BAZ1A: variants seen among roughly 807,000 people sequenced by gnomAD.
BAZ1A encodes bromodomain adjacent to zinc finger domain 1A, also known as bromodomain adjacent to zinc finger domain protein 1A.
BAZ1A carries 50 observed loss-of-function variants against 185.2 expected under a neutral mutation model. The ratio of observed to expected loss-of-function variants is 0.27; its 90% CI spans 0.22 to 0.34. The LOEUF is 0.34. Among genes scored for constraint, BAZ1A ranks in the 10% least tolerant of loss-of-function variants. The pLI is 1.00. For missense variants in BAZ1A, 1,356 were observed against 1,839.9 expected, an observed-to-expected ratio of 0.74 and a Z score of 4.81; for synonymous variants, 571 against 615.6, an observed-to-expected ratio of 0.93 and a Z score of 1.07.
chr14:34,764,248 G>C (rs1878648918), intron 23 of BAZ1A, among the ~76,000 whole-genome samples: 1 of 151,470 alleles, frequency 6.6e-6, no homozygotes, highest in Non-Finnish European at 1.5e-5. Flanking sequence ...AAAAAGCAAG[G>C]GTAACTTCAG....
At chr14:34,825,296 A>G (rs1191822960) in intron 4 of BAZ1A, among the ~76,000 whole-genome samples, 1 of 151,954 alleles carries the variant, frequency 6.6e-6, no homozygotes, top group African/African-American at 2.4e-5. Flanking sequence ...ACTACTAAAA[A>G]TACAAAATTA....
At chr14:34,779,713 T>G (rs568234569) in intron 17 of BAZ1A, among the ~76,000 whole-genome samples, 29 of 152,344 alleles carry the variant, frequency 1.9e-4, no homozygotes, top group Admixed American at 1.0e-3. Context: ...GAAATAATTT[T>G]AAGGCAGGAG....
intron 2 of BAZ1A, among the ~76,000 whole-genome samples, chr14:34,869,556 C>T (rs1403092030): frequency 1.3e-5 from 2 of 152,162 alleles, no homozygotes; most frequent in African/African-American, 2.4e-5. Context: ...TAGTATGGGG[C>T]AAACAACAAG....
intron 3 of BAZ1A, among the ~76,000 whole-genome samples, chr14:34,850,118 G>T (rs1199768185): frequency 6.6e-6 from 1 of 151,900 alleles, no homozygotes; most frequent in African/African-American, 2.4e-5. Flanking sequence ...AGTGGCTCAC[G>T]CCTGTAATCC....
chr14:34,836,234 C>A (rs1273298641), intron 3 of BAZ1A, among the ~76,000 whole-genome samples: 2 of 71,044 alleles, frequency 2.8e-5, no homozygotes, highest in African/African-American at 9.5e-5. Context: ...AAAAAATTAG[C>A]CGGGCGTGGT....
rs747659465 is a variant in BAZ1A at position 34,774,485 on chromosome 14, G to A, written c.2839C>T (p.Pro947Ser). ...TATGTTGGTTTGCTATCAGGCTGAGGTTTGTCTGAAATAGTAATCAAATAC... is the reference window on the plus strand; with the variant it reads ...TATGTTGGTTTGCTATCAGGCTGAGATTTGTCTGAAATAGTAATCAAATAC... ...SEEKFHFSDK[P>S]QPDSKPTYSR... is the part of the protein sequence containing the mutation. The change falls in exon 19 of 27, where the codon CCT (proline) becomes TCT (serine). Residue 947 changes from proline (P) to serine (S), a missense_variant. By Grantham distance (74) the Pro-to-Ser change is moderately conservative. Coordinates refer to ENST00000360310, the MANE Select transcript of BAZ1A (RefSeq NM_013448.3). 2.0e-5 allele frequency: 32 copies of A among 1,572,274 alleles called. No homozygotes were observed. Among genetic ancestry groups the A allele is most frequent in the Admixed American group, 3.8e-5 (2 of 51,998 alleles).
intron 4 of BAZ1A, among the ~76,000 whole-genome samples, chr14:34,819,461 C>G (rs565563278): frequency 1.3e-5 from 2 of 152,130 alleles, no homozygotes; most frequent in Non-Finnish European, 1.5e-5. Flanking sequence ...AGTATGTAGA[C>G]TTTTCAGATT....
chr14:34,825,881 T>G, intron 4 of BAZ1A, 132 bp downstream of exon 4: 15 of 833,860 alleles, frequency 1.8e-5, no homozygotes, highest in Non-Finnish European at 2.4e-5. Flanking sequence ...GAAGTTGCAG[T>G]GAGCTGAGAT....
intron 3 of BAZ1A, among the ~76,000 whole-genome samples, chr14:34,851,537 C>T (rs2042596729): frequency 1.3e-5 from 2 of 151,576 alleles, no homozygotes; most frequent in African/African-American, 4.8e-5. Flanking sequence ...ATCTTTTTTC[C>T]TGATTTAATT....
At chr14:34,807,296 A>G (rs953681171) in intron 6 of BAZ1A, among the ~76,000 whole-genome samples, 155 bp downstream of exon 6, 1 of 152,012 alleles carries the variant, frequency 6.6e-6, no homozygotes, top group Admixed American at 6.6e-5. Flanking sequence ...ATAGTAATTA[A>G]TCCAATATTT....
intron 4 of BAZ1A, among the ~76,000 whole-genome samples, chr14:34,822,547 A>G (rs2138705729): frequency 6.6e-6 from 1 of 151,444 alleles, no homozygotes; most frequent in Middle Eastern, 3.6e-3. Context: ...CAGGAGGTCG[A>G]GGCTGCAGTG....
rs1566593143 is a variant in BAZ1A, at chr14:34,844,779, AC to A, written c.392+17264del. On this transcript the variant is annotated intron_variant, in intron 3 of 26. Transcript: ENST00000360310. ...TCTAAACACACACACACACACGCGCACACACACACACACACACACACACACA... is the reference window on the plus strand; with the variant it reads ...TCTAAACACACACACACACACGCGCAACACACACACACACACACACACACA... Among the ~76,000 whole-genome samples, 114 of 6,902 alleles carry A rather than the reference AC, an allele frequency of 0.017. No homozygotes were observed. The Non-Finnish European group carries it at 0.19, about 12-fold the overall frequency. 4.5% of individuals were successfully genotyped at this position (6,902 alleles called of 152,430 possible). A position where few individuals can be genotyped will look rare whatever the true frequency, so the allele number is the denominator to read the frequency against.
intron 12 of BAZ1A, among the ~76,000 whole-genome samples, chr14:34,792,353 C>T (rs1317201569): frequency 1.3e-5 from 2 of 151,918 alleles, no homozygotes; most frequent in Non-Finnish European, 1.5e-5. Context: ...CCAACGCACT[C>T]CAGCCTGGCA....
In BAZ1A at chr14:34,874,773, G is replaced by T. The variant is rs2043015977; in HGVS notation, c.-58-111C>A. The T allele has an allele frequency of 1.9e-6, 1 of 533,418 alleles. No homozygotes were observed. Among genetic ancestry groups the T allele is most frequent in the Non-Finnish European group, 3.2e-6 (1 of 309,236 alleles). The allele number at this position is 533,418 out of a possible 1,614,324, so 33.0% of individuals were successfully genotyped here. ...CGGCTGCCTTTTGTGTGACTGACGC[G>T]CCGCGGCCGCTACCGGAGCCGAGTT... is the stretch of plus-strand genomic sequence containing the variant. On this transcript the variant is annotated intron_variant, in intron 1 of 26. Coordinates refer to ENST00000360310, the MANE Select transcript of BAZ1A (RefSeq NM_013448.3). The surrounding 1 kb of genome is among the most constrained non-coding windows in gnomAD (Gnocchi z 4.7).
intron 3 of BAZ1A, among the ~76,000 whole-genome samples, chr14:34,844,157 G>A (rs1369671999): frequency 7.3e-6 from 1 of 136,304 alleles, no homozygotes; most frequent in Non-Finnish European, 1.5e-5. Flanking sequence ...AGTGAGCAGA[G>A]ATCGCGCCAC....
intron 13 of BAZ1A, 34 bp from the exon 14 acceptor site, chr14:34,786,035 A>T (rs1880416320): frequency 6.2e-7 from 1 of 1,601,672 alleles, no homozygotes; most frequent in African/African-American, 1.3e-5. Flanking sequence ...GTCATTTAGA[A>T]TATAAACAAT....
At chr14:34,842,978 A>AG (rs1194682564) in intron 3 of BAZ1A, among the ~76,000 whole-genome samples, 6 of 152,208 alleles carry the variant, frequency 3.9e-5, no homozygotes, top group African/African-American at 1.4e-4. Context: ...GAAAAAAAAA[A>AG]GGGTATATGT....
intron 3 of BAZ1A, among the ~76,000 whole-genome samples, chr14:34,839,839 CAAAAAAA>C (rs60954768): frequency 3.7e-5 from 4 of 106,684 alleles, no homozygotes; most frequent in Admixed American, 1.0e-4. Flanking sequence ...GCCTCTGTTT[CAAAAAAA>C]AAAAAAAAAA....
intron 4 of BAZ1A, among the ~76,000 whole-genome samples, chr14:34,812,170 C>A (rs945521588): frequency 3.4e-5 from 5 of 148,276 alleles, no homozygotes; most frequent in African/African-American, 1.3e-4. Context: ...AGATAGTGAT[C>A]TCTGATAAGT....
Sources: allele counts gnomAD v4.1 joint callset (sites outside exome capture counted in the v4.1 genomes callset), GRCh38; gene constraint gnomAD v4.1.1; non-coding constraint Gnocchi (gnomAD v3.1); transcripts MANE v1.5; gene names NCBI Gene and HGNC (gene_info 2026-07-23, HGNC 2026-07-21).